Variants in ADAM12 observed in about 807,000 individuals in gnomAD.
The protein encoded by ADAM12 is disintegrin and metalloproteinase domain-containing protein 12.
Under a neutral mutation model 106.4 loss-of-function variants are expected in ADAM12, and 70 were observed. The ratio of observed to expected loss-of-function variants is 0.66; its 90% CI spans 0.54 to 0.80. ADAM12 has a LOEUF of 0.80. Ranked by LOEUF, ADAM12 falls within the 30% of genes least tolerant of loss-of-function variation. ADAM12 has a pLI of 0.00. For missense variants in ADAM12, 1,010 were observed against 1,171.9 expected (o/e 0.86, Z 2.02); for synonymous variants, 420 against 433.5 (o/e 0.97, Z 0.39).
intron 3 of ADAM12, among the ~76,000 whole-genome samples, chr10:126,277,858 T>C (rs1645022495): frequency 6.6e-6 from 1 of 152,212 alleles, no homozygotes; most frequent in Non-Finnish European, 1.5e-5. Context: ...TACATTTTTA[T>C]ATATTGCAGC....
intron 3 of ADAM12, among the ~76,000 whole-genome samples, chr10:126,264,869 C>T (rs185236126): frequency 6.6e-6 from 1 of 152,298 alleles, no homozygotes; most frequent in East Asian, 1.9e-4. Flanking sequence ...GTTCTCACCC[C>T]AGCATCTACC....
intron 3 of ADAM12, among the ~76,000 whole-genome samples, chr10:126,235,633 G>A (rs929686578): frequency 1.1e-4 from 17 of 152,188 alleles, no homozygotes; most frequent in African/African-American, 3.4e-4. Flanking sequence ...ACACTCAGAA[G>A]ATGCCACCAG....
intron 1 of ADAM12, among the ~76,000 whole-genome samples, chr10:126,361,691 G>A (rs1326964690): frequency 6.6e-6 from 1 of 152,138 alleles, no homozygotes; most frequent in Non-Finnish European, 1.5e-5. Context: ...TAGAAAAAGT[G>A]CAGTCTCTTC....
intron 5 of ADAM12, among the ~76,000 whole-genome samples, chr10:126,127,477 C>G (rs959677550): frequency 6.6e-6 from 1 of 152,218 alleles, no homozygotes; most frequent in African/African-American, 2.4e-5. Context: ...TTGTAACATG[C>G]CAGGGTCTAG....
chr10:126,347,078 C>G (rs1018013580), intron 1 of ADAM12, among the ~76,000 whole-genome samples: 1 of 152,078 alleles, frequency 6.6e-6, no homozygotes, highest in Non-Finnish European at 1.5e-5. Context: ...ATGATAGCTG[C>G]TTATTTTGCT....
At chr10:126,339,742 G>A (rs746444456) in intron 1 of ADAM12, among the ~76,000 whole-genome samples, 1 of 152,140 alleles carries the variant, frequency 6.6e-6, no homozygotes, top group Non-Finnish European at 1.5e-5. Context: ...GATGCAGAGA[G>A]GGAGGAGCAG....
intron 10 of ADAM12, among the ~76,000 whole-genome samples, chr10:126,095,538 A>AG (rs1955541982): frequency 6.7e-6 from 1 of 149,712 alleles, no homozygotes; most frequent in Admixed American, 6.7e-5. Context: ...TGTCTCAAAA[A>AG]AAAAAAAAAA....
At chr10:126,386,467 ACAAG>A (rs1856663388) in intron 1 of ADAM12, among the ~76,000 whole-genome samples, 1 of 152,154 alleles carries the variant, frequency 6.6e-6, no homozygotes, top group Non-Finnish European at 1.5e-5. Flanking sequence ...CTAAGGGTAA[ACAAG>A]CAGTGAATCC....
intron 3 of ADAM12, among the ~76,000 whole-genome samples, chr10:126,155,717 A>C (rs557796456): frequency 1.3e-5 from 2 of 152,344 alleles, no homozygotes; most frequent in African/African-American, 4.8e-5. Flanking sequence ...CACCAACTGG[A>C]ATCAATGGTT....
At chr10:126,341,119 C>T (rs998896188) in intron 1 of ADAM12, among the ~76,000 whole-genome samples, 1 of 152,170 alleles carries the variant, frequency 6.6e-6, no homozygotes, top group African/African-American at 2.4e-5. Context: ...TGTTACCCCT[C>T]AGAGAGTCTT....
chr10:126,158,758 G>A (rs1028354699), intron 3 of ADAM12, among the ~76,000 whole-genome samples: 1 of 144,430 alleles, frequency 6.9e-6, no homozygotes, highest in Admixed American at 6.9e-5. Flanking sequence ...GATGCACAGA[G>A]CACGGGTGGG....
At chr10:126,140,322 TTTG>T (rs1956486766) in intron 4 of ADAM12, among the ~76,000 whole-genome samples, 2 of 152,264 alleles carry the variant, frequency 1.3e-5, no homozygotes, top group Admixed American at 1.3e-4. Flanking sequence ...TCAATCTCAA[TTTG>T]TTTTTAATAG....
chr10:126,060,719 C>T (rs1232015547), intron 14 of ADAM12, among the ~76,000 whole-genome samples: 1 of 152,196 alleles, frequency 6.6e-6, no homozygotes, highest in Non-Finnish European at 1.5e-5. Context: ...ACCTCCGCTC[C>T]CAGGACTGCA....
chr10:126,193,904 GAAATAAAATAAAATAAAATA>G (rs142749355), intron 3 of ADAM12, among the ~76,000 whole-genome samples: 7 of 145,108 alleles, frequency 4.8e-5, no homozygotes, highest in African/African-American at 1.0e-4. Flanking sequence ...GAAATAAAAT[GAAATAAAATAAAATAAAATA>G]AAATAAAATA....
intron 3 of ADAM12, among the ~76,000 whole-genome samples, chr10:126,193,194 G>A (rs763180856): frequency 2.4e-4 from 34 of 143,692 alleles, no homozygotes; most frequent in Non-Finnish European, 4.2e-4. Flanking sequence ...GAACCCAGAA[G>A]GCAGAGGTTG....
At chr10:126,131,728 C>A (rs1278321) in intron 5 of ADAM12, among the ~76,000 whole-genome samples, 80,168 of 152,026 alleles carry the variant, frequency 0.53, 21,577 homozygotes, top group Non-Finnish European at 0.59. Context: ...CTTGGACTTT[C>A]CAGGCTCAAG....
chr10:126,357,330 A>G (rs574301948), intron 1 of ADAM12, among the ~76,000 whole-genome samples: 160 of 151,578 alleles, frequency 1.1e-3, no homozygotes, highest in African/African-American at 3.4e-3. Context: ...AGGGAGGGGG[A>G]AAAAAAAACT....
chr10:126,170,373 T>G (rs2133761400), intron 3 of ADAM12, among the ~76,000 whole-genome samples: 1 of 151,718 alleles, frequency 6.6e-6, no homozygotes, highest in Admixed American at 6.5e-5. Context: ...CAATTCCTCT[T>G]GCTGAGGCTA....
chr10:126,143,066 CAT>C (rs1956546547), intron 4 of ADAM12, among the ~76,000 whole-genome samples: 2 of 65,814 alleles, frequency 3.0e-5, no homozygotes, highest in South Asian at 7.4e-4. Flanking sequence ...TGCACATGTG[CAT>C]ATGTGTGCAT....
Sources: allele counts gnomAD v4.1 joint callset (sites outside exome capture counted in the v4.1 genomes callset), GRCh38; gene constraint gnomAD v4.1.1; transcripts MANE v1.5; gene names NCBI Gene and HGNC (gene_info 2026-07-23, HGNC 2026-07-21).